RBPMS: variants seen among roughly 807,000 people sequenced by gnomAD.
RBPMS encodes RNA binding protein, mRNA processing factor.
In RBPMS, 7 loss-of-function variants were observed where a neutral mutation model predicts 26.8. The ratio of observed to expected loss-of-function variants is 0.26; its 90% CI spans 0.15 to 0.49. RBPMS has a LOEUF of 0.49. Ranked by LOEUF, RBPMS falls within the 20% of genes least tolerant of loss-of-function variation. The pLI is 0.98. For synonymous variants in RBPMS, 96 were observed against 93.3 expected, an observed-to-expected ratio of 1.03 and a Z score of -0.17; for missense variants, 186 against 250.0, an observed-to-expected ratio of 0.74 and a Z score of 1.73.
At chr8:30,496,467 C>T (rs1009535384) in intron 4 of RBPMS, among the ~76,000 whole-genome samples, 9 of 152,162 alleles carry the variant, frequency 5.9e-5, no homozygotes, top group Admixed American at 3.9e-4. Context: ...CGTGCCCGGC[C>T]ACCCTCACTC....
At chr8:30,453,659 AG>A (rs1814868724) in intron 1 of RBPMS, 1 of 152,296 alleles carries the variant, frequency 6.6e-6, no homozygotes, top group Non-Finnish European at 1.5e-5. Context: ...CTTATACAAA[AG>A]GGTCTAATTT....
intron 6 of RBPMS, among the ~76,000 whole-genome samples, chr8:30,549,799 CTCTCTCCTCTCTCTCTCTCT>C (rs1332411216): frequency 3.4e-5 from 2 of 59,372 alleles, no homozygotes; most frequent in African/African-American, 1.9e-4. Context: ...TCTCTCTCCC[CTCTCTCCTCTCTCTCTCTCT>C]CTCTCTCTTT....
intron 5 of RBPMS, among the ~76,000 whole-genome samples, chr8:30,538,277 CAG>C (rs1021396649): frequency 4.6e-5 from 7 of 151,588 alleles, no homozygotes; most frequent in African/African-American, 1.7e-4. Context: ...TTTTTGGAGA[CAG>C]AGTCTCGCTC....
chr8:30,559,668 G>T (rs1383653114), intron 7 of RBPMS, among the ~76,000 whole-genome samples: 1 of 152,216 alleles, frequency 6.6e-6, no homozygotes, highest in Non-Finnish European at 1.5e-5. Context: ...AATTTGGAGA[G>T]TCTACTTAGA....
chr8:30,386,152 A>G (rs559587953), intron 1 of RBPMS, among the ~76,000 whole-genome samples: 1 of 152,216 alleles, frequency 6.6e-6, no homozygotes, highest in Non-Finnish European at 1.5e-5. Context: ...ACCCGAAAAG[A>G]TTCACACAGG....
intron 1 of RBPMS, chr8:30,445,445 T>G (rs1813616149): frequency 6.6e-6 from 1 of 152,052 alleles, no homozygotes; most frequent in Non-Finnish European, 1.5e-5. Flanking sequence ...ATTACATCTT[T>G]AGATTATTTT....
intron 6 of RBPMS, among the ~76,000 whole-genome samples, chr8:30,550,460 C>T (rs1005953292): frequency 2.0e-5 from 3 of 152,140 alleles, no homozygotes; most frequent in Non-Finnish European, 4.4e-5. Context: ...TTTTAAGGGG[C>T]ACTTGAATTT....
chr8:30,454,840 T>A (rs542813966), intron 1 of RBPMS, among the ~76,000 whole-genome samples: 2 of 152,226 alleles, frequency 1.3e-5, no homozygotes, highest in Non-Finnish European at 2.9e-5. Flanking sequence ...TTTGTTTTTT[T>A]GAGACAGAGT....
intron 1 of RBPMS, among the ~76,000 whole-genome samples, chr8:30,470,253 G>A (rs1389407200): frequency 1.3e-5 from 2 of 151,814 alleles, no homozygotes; most frequent in African/African-American, 2.4e-5. Context: ...GCGTGGTGGT[G>A]GGCACCTGTA....
intron 6 of RBPMS, among the ~76,000 whole-genome samples, chr8:30,555,300 C>A (rs1008288336): frequency 2.0e-5 from 3 of 151,642 alleles, no homozygotes; most frequent in Non-Finnish European, 4.4e-5. Flanking sequence ...GAATCCCAAA[C>A]AGTGTGGCCC....
At chr8:30,569,845 C>T (rs1175475165) in intron 8 of RBPMS, among the ~76,000 whole-genome samples, 1 of 152,156 alleles carries the variant, frequency 6.6e-6, no homozygotes, top group Non-Finnish European at 1.5e-5. Flanking sequence ...CATACTTAAG[C>T]GGATGTGCTA....
At chr8:30,419,450 ATGTGTGTG>A (rs71278690) in intron 1 of RBPMS, among the ~76,000 whole-genome samples, 3,283 of 143,280 alleles carry the variant, frequency 0.023, 120 homozygotes, top group African/African-American at 0.078. Flanking sequence ...CATCTCAAAA[ATGTGTGTG>A]TGTGTGTGTG....
At chr8:30,475,064 G>A (rs1392113948) in intron 2 of RBPMS, among the ~76,000 whole-genome samples, 3 of 152,226 alleles carry the variant, frequency 2.0e-5, no homozygotes, top group African/African-American at 7.2e-5. Flanking sequence ...AGTAATGTAA[G>A]TGAAGATTTA....
intron 1 of RBPMS, among the ~76,000 whole-genome samples, chr8:30,431,259 T>C (rs991161575): frequency 1.3e-5 from 2 of 152,184 alleles, no homozygotes; most frequent in Admixed American, 6.5e-5. Flanking sequence ...TCAAATTTCA[T>C]AGGAAAGATT....
intron 4 of RBPMS, among the ~76,000 whole-genome samples, chr8:30,487,064 C>T (rs966293303): frequency 6.6e-5 from 10 of 152,152 alleles, no homozygotes; most frequent in Non-Finnish European, 1.5e-4. Context: ...GTTTGTGGAA[C>T]ATGAAGTGCC....
At chr8:30,511,486 AATATATATATATATATAT>A (rs869100800) in intron 5 of RBPMS, among the ~76,000 whole-genome samples, 53 of 23,550 alleles carry the variant, frequency 2.3e-3, no homozygotes, top group East Asian at 5.8e-3. Context: ...AAAAAAAAAA[AATATATATATATATATAT>A]ATATATATAT....
chr8:30,526,608 C>A (rs141919461), intron 5 of RBPMS, among the ~76,000 whole-genome samples: 1 of 152,140 alleles, frequency 6.6e-6, no homozygotes, highest in Non-Finnish European at 1.5e-5. Flanking sequence ...CAATTCTGAA[C>A]GTATGTGGCT....
At chr8:30,556,829 C>T (rs991378841) in intron 6 of RBPMS, 22 of 948,422 alleles carry the variant, frequency 2.3e-5, no homozygotes, top group Middle Eastern at 5.2e-4. Context: ...CCACCTCTGC[C>T]CTCCCTCTCC....
At chr8:30,391,500 C>G (rs537208298) in intron 1 of RBPMS, among the ~76,000 whole-genome samples, 1 of 152,168 alleles carries the variant, frequency 6.6e-6, no homozygotes, top group South Asian at 2.1e-4. Context: ...GAGAATGAAC[C>G]TTAAAAGCTG....
Sources: allele counts gnomAD v4.1 joint callset (sites outside exome capture counted in the v4.1 genomes callset), GRCh38; gene constraint gnomAD v4.1.1; transcripts MANE v1.5; gene names NCBI Gene and HGNC (gene_info 2026-07-23, HGNC 2026-07-21).